EXTL3: variants seen among roughly 807,000 people sequenced by gnomAD.
The protein encoded by EXTL3 is exostosin like glycosyltransferase 3, also known as exostosin-like 3.
EXTL3 carries 27 observed loss-of-function variants against 69.3 expected under a neutral mutation model. The observed-to-expected ratio is 0.39, with a 90% CI of 0.29 to 0.54. The LOEUF (loss-of-function observed/expected upper bound fraction) is 0.54, where lower values mean the gene tolerates loss of function less well. EXTL3 is among the 20% of genes least tolerant of loss of function. The probability of loss-of-function intolerance (pLI) is 0.69; values close to 1 mark genes in which losing one functional copy is unlikely to be tolerated. For missense variants in EXTL3, 1,003 were observed against 1,231.8 expected (o/e 0.81, Z 2.78); for synonymous variants, 511 against 499.4 (o/e 1.02, Z -0.31).
chr8:28,656,307 G>A (rs546015833), intron 1 of EXTL3, among the ~76,000 whole-genome samples: 8,720 of 151,830 alleles, frequency 0.057, 400 homozygotes, highest in African/African-American at 0.13. Context: ...TGAGTAGCTG[G>A]GATTACAGGT....
chr8:28,707,390 A>G (rs1800946013), intron 1 of EXTL3, among the ~76,000 whole-genome samples: 1 of 152,208 alleles, frequency 6.6e-6, no homozygotes, highest in Non-Finnish European at 1.5e-5. Context: ...GATGAAATGT[A>G]TGTGTGAAGT....
chr8:28,619,266 T>TAAAAAAAA (rs755355444), upstream of EXTL3, among the ~76,000 whole-genome samples: 50 of 64,646 alleles, frequency 7.7e-4, 7 homozygotes, highest in East Asian at 1.5e-3. Context: ...AGCTTAGTGA[T>TAAAAAAAA]AAAAAAAAAA....
rs71549699 is a variant in EXTL3, at chr8:28,754,033, C to CGT, written c.*3194_*3195dup. On this transcript the variant is annotated 3_prime_UTR_variant, in exon 7 of 7. Transcript: ENST00000220562. The stretch of plus-strand genomic sequence containing the variant: ...AATTTTTTCATGGGAATTTAAAATG[C>CGT]GTGTGTGTGTGTGTGTGTGTGTGTG... 10,322 of 142,228 alleles carry CGT rather than the reference C, an allele frequency of 0.073. 392 individuals carry two copies. Among genetic ancestry groups the CGT allele is most frequent in the African/African-American group, 0.092 (3,682 of 39,866 alleles). 8.8% of individuals were successfully genotyped at this position (142,228 alleles called of 1,614,324 possible). A position where few individuals can be genotyped will look rare whatever the true frequency, so the allele number is the denominator to read the frequency against.
Position 28,718,033 on chromosome 8 carries a change from TC to T in EXTL3, c.1978del (p.Arg660GlufsTer7), listed in dbSNP as rs2130742237. ...EFQAALGGNV[P>X]REQFTVVMLT... The stretch of plus-strand genomic sequence containing the variant: ...TTCAGGCAGCGCTTGGAGGCAATGT[TC>T]CCCGAGAGCAGTTCACGGTGGTGAT... On this transcript the variant is annotated frameshift_variant, in exon 3 of 7. Transcript: ENST00000220562. LOFTEE classifies it high-confidence loss of function. 6.2e-7 allele frequency: 1 copy of T among 1,613,440 alleles called. No homozygotes were observed. The highest frequency in any genetic ancestry group is 8.5e-7 in the Non-Finnish European group (1 of 1,179,810).
At chr8:28,630,405 C>T (rs1175174787) in intron 1 of EXTL3, among the ~76,000 whole-genome samples, 1 of 152,098 alleles carries the variant, frequency 6.6e-6, no homozygotes, top group African/African-American at 2.4e-5. Flanking sequence ...AGTACTAATA[C>T]ATTAACCCAC....
chr8:28,674,388 C>T (rs933792793), intron 1 of EXTL3, among the ~76,000 whole-genome samples: 2 of 152,120 alleles, frequency 1.3e-5, no homozygotes, highest in Non-Finnish European at 2.9e-5. Flanking sequence ...ATGATACTTT[C>T]GAACATTTTG....
Position 28,717,142 on chromosome 8 carries a change from C to T in EXTL3, c.1083C>T (p.Arg361=). The T allele has an allele frequency of 1.2e-6, 2 of 1,614,266 alleles. No homozygotes were observed. Among genetic ancestry groups the T allele is most frequent in the Admixed American group, 3.3e-5 (2 of 60,038 alleles). The change falls in exon 3 of 7, where the codon CGC becomes CGT. Residue 361 remains arginine (R), a synonymous_variant. Coordinates refer to ENST00000220562, the MANE Select transcript of EXTL3 (RefSeq NM_001440.4). This position sits in a 1 kb window ranked among gnomAD's most constrained non-coding sequence, Gnocchi z 8.3. ...ESLRSSLQEA[R]SFEEEMEGDP... is the part of the protein sequence containing the mutation. ...TGAGGTCTAGCCTTCAGGAGGCCCG[C>T]TCCTTCGAAGAGGAAATGGAGGGCG... is the stretch of plus-strand genomic sequence containing the variant.
At position 28,750,583 on chromosome 8, in the gene EXTL3, G is replaced by T; in HGVS notation, c.2551-74G>T. 1 of 1,208,694 alleles carries T rather than the reference G, an allele frequency of 8.3e-7. No homozygotes were observed. The highest frequency in any genetic ancestry group is 1.2e-5 in the South Asian group (1 of 82,038). The allele number at this position is 1,208,694 out of a possible 1,614,324, so 74.9% of individuals were successfully genotyped here. A position where few individuals can be genotyped will look rare whatever the true frequency, so the allele number is the denominator to read the frequency against. On this transcript the variant is annotated intron_variant, in intron 6 of 6. Transcript: ENST00000220562. The surrounding 1 kb of genome is among the most constrained non-coding windows in gnomAD (Gnocchi z 5.2). ...GTCTTCACCATGGACATGGGAGTGT[G>T]GGATCGGCTCAGCTGCAAGGGTTCT...
chr8:28,616,737 C>T (rs914099020), intron 2 of EXTL3, among the ~76,000 whole-genome samples: 4 of 152,052 alleles, frequency 2.6e-5, no homozygotes, highest in African/African-American at 7.2e-5. Flanking sequence ...AACAGGTGTG[C>T]GCTGAGTATA....
At chr8:28,675,150 T>C (rs1415314413) in intron 1 of EXTL3, among the ~76,000 whole-genome samples, 1 of 152,086 alleles carries the variant, frequency 6.6e-6, no homozygotes, top group South Asian at 2.1e-4. Context: ...AGAGCAAAGA[T>C]CACCTGGGAG....
At chr8:28,633,842 T>G (rs959681026) in intron 1 of EXTL3, among the ~76,000 whole-genome samples, 3 of 152,180 alleles carry the variant, frequency 2.0e-5, no homozygotes, top group Non-Finnish European at 4.4e-5. Context: ...ATGTTTACTA[T>G]GTGGCCCTTG....
intron 1 of EXTL3, among the ~76,000 whole-genome samples, chr8:28,637,776 C>A (rs2130576399): frequency 6.6e-6 from 1 of 152,256 alleles, no homozygotes; most frequent in South Asian, 2.1e-4. Context: ...CCATCAAAAT[C>A]CGTCTTCCTC....
intron 4 of EXTL3, among the ~76,000 whole-genome samples, chr8:28,732,770 C>A (rs1295561798): frequency 6.6e-6 from 1 of 152,194 alleles, no homozygotes; most frequent in Non-Finnish European, 1.5e-5. Context: ...GTTGCGCAGG[C>A]TGGAGTGCAG....
intron 1 of EXTL3, among the ~76,000 whole-genome samples, chr8:28,660,406 G>A (rs1192762418): frequency 6.6e-6 from 1 of 151,312 alleles, no homozygotes; most frequent in Admixed American, 6.6e-5. Context: ...ATGTACACAA[G>A]TGTATGTACG....
chr8:28,633,542 G>A (rs980021474), intron 1 of EXTL3, among the ~76,000 whole-genome samples: 2 of 151,920 alleles, frequency 1.3e-5, no homozygotes, highest in South Asian at 2.1e-4. Flanking sequence ...GCTGAAGCAC[G>A]AGAATCACGT....
Position 28,754,661 on chromosome 8 carries a change from T to C in EXTL3, c.*3795T>C, listed in dbSNP as rs2130813865. ...AGATATGATGTCTGCTTTGAGTCTA[T>C]ACCTGTCGAGTTGTGTCTTGGACTT... On this transcript the variant is annotated 3_prime_UTR_variant, in exon 7 of 7. Transcript: ENST00000220562. The C allele has an allele frequency of 6.6e-6, 1 of 152,376 alleles. No homozygotes were observed. The highest frequency in any genetic ancestry group is 1.9e-4 in the East Asian group (1 of 5,186). 9.4% of individuals were successfully genotyped at this position (152,376 alleles called of 1,614,324 possible). A position where few individuals can be genotyped will look rare whatever the true frequency, so the allele number is the denominator to read the frequency against.
intron 1 of EXTL3, among the ~76,000 whole-genome samples, chr8:28,671,284 ATTTTAT>A (rs1400544081): frequency 1.6e-5 from 2 of 123,312 alleles, no homozygotes; most frequent in African/African-American, 3.1e-5. Flanking sequence ...GCCTGGCCTA[ATTTTAT>A]TTTTATGTTT....
At chr8:28,677,007 G>A (rs974687970) in intron 1 of EXTL3, among the ~76,000 whole-genome samples, 1 of 152,138 alleles carries the variant, frequency 6.6e-6, no homozygotes, top group African/African-American at 2.4e-5. Flanking sequence ...CAAAGAGAAG[G>A]GAAGAGAGTG....
chr8:28,663,918 C>A (rs164663), intron 1 of EXTL3, among the ~76,000 whole-genome samples: 28,625 of 152,164 alleles, frequency 0.19, 3,676 homozygotes, highest in African/African-American at 0.36. Flanking sequence ...CTAAATTTGG[C>A]TGCTCAGTTA....
Sources: allele counts gnomAD v4.1 joint callset (sites outside exome capture counted in the v4.1 genomes callset), GRCh38; gene constraint gnomAD v4.1.1; non-coding constraint Gnocchi (gnomAD v3.1); transcripts MANE v1.5; gene names NCBI Gene and HGNC (gene_info 2026-07-23, HGNC 2026-07-21).